ENOSF1: variants seen among roughly 807,000 people sequenced by gnomAD.
The protein encoded by ENOSF1 is mitochondrial enolase superfamily member 1.
Under a neutral mutation model 68.2 loss-of-function variants are expected in ENOSF1, and 73 were observed. That is an observed-to-expected ratio of 1.07 (90% CI 0.89 to 1.30). The LOEUF is 1.30. Ranked by LOEUF, ENOSF1 falls within the 50% of genes most tolerant of loss-of-function variation. The pLI is 0.00. For missense variants in ENOSF1, 589 were observed against 554.5 expected (o/e 1.06, Z -0.62); for synonymous variants, 223 against 210.4 (o/e 1.06, Z -0.52).
downstream of ENOSF1, among the ~76,000 whole-genome samples, chr18:667,925 G>C (rs1005610419): frequency 2.0e-5 from 3 of 149,834 alleles, no homozygotes; most frequent in African/African-American, 7.4e-5. Context: ...TGAATGCTTA[G>C]CTGTTGGATT....
At chr18:712,226 T>A (rs1598856907) in intron 1 of ENOSF1, 6 of 1,499,884 alleles carry the variant, frequency 4.0e-6, no homozygotes, top group Non-Finnish European at 5.4e-6. Context: ...CTCCAAGGCA[T>A]GAAAAGCGAG....
intron 8 of ENOSF1, 144 bp downstream of exon 8, chr18:690,397 AGAGAAGTG>A (rs2144988927): frequency 1.3e-6 from 1 of 795,076 alleles, no homozygotes; most frequent in East Asian, 2.6e-5. Context: ...TGGTGTCCAC[AGAGAAGTG>A]GAGAACTGGT....
chr18:674,551 G>C, intron 15 of ENOSF1, 145 bp from the exon 16 acceptor site: 3 of 536,052 alleles, frequency 5.6e-6, no homozygotes, highest in East Asian at 3.4e-5. Flanking sequence ...TGGAGTCACT[G>C]TCCGTTGCCC....
At position 710,413 on chromosome 18, in the gene ENOSF1, C is replaced by T. The variant is rs186396564; in HGVS notation, c.84+2091G>A. The stretch of plus-strand genomic sequence containing the variant: ...GCTTGAACCACCACGCTCAGCCAAA[C>T]CAGGCTGTCTTAACATTTCACAAAT... On this transcript the variant is annotated intron_variant, in intron 1 of 15. Coordinates refer to ENST00000647584, the MANE Select transcript of ENOSF1 (RefSeq NM_017512.7). Among the ~76,000 whole-genome samples the T allele has an allele frequency of 2.6e-5, 4 of 152,200 alleles. No homozygotes were observed. The East Asian group carries it at 5.8e-4, about 22-fold the overall frequency.
the ENOSF1 span, among the ~76,000 whole-genome samples, chr18:663,312 T>A: frequency 2.0e-5 from 2 of 97,752 alleles, no homozygotes; most frequent in Non-Finnish European, 3.8e-5. Flanking sequence ...CATAAATGTC[T>A]TCTTTTGAGA....
chr18:698,356 T>G (rs971972514), intron 2 of ENOSF1, among the ~76,000 whole-genome samples: 6 of 152,230 alleles, frequency 3.9e-5, no homozygotes, highest in Non-Finnish European at 8.8e-5. Context: ...CTTCATAGAA[T>G]TTTTAAAAGG....
At chr18:686,243 C>G (rs551416332) in intron 9 of ENOSF1, 50 of 496,918 alleles carry the variant, frequency 1.0e-4, no homozygotes, top group South Asian at 8.5e-4. Flanking sequence ...AGTTAAGGAG[C>G]TAGACAGGGA....
At chr18:708,830 A>C (rs573586382) in intron 1 of ENOSF1, among the ~76,000 whole-genome samples, 7 of 152,264 alleles carry the variant, frequency 4.6e-5, no homozygotes, top group African/African-American at 1.4e-4. Context: ...GTTGGTGCCC[A>C]CCTGGGTTGG....
intron 5 of ENOSF1, chr18:691,584 C>G (rs896456115): frequency 4.0e-6 from 1 of 251,062 alleles, no homozygotes. Flanking sequence ...TGGCTTCAAG[C>G]AATCCTCCCT....
Position 691,110 on chromosome 18 carries a change from G to A in ENOSF1, c.497-4C>T. 1 of 1,613,990 alleles carries A rather than the reference G, an allele frequency of 6.2e-7. No individual in the cohort carries two copies. Among genetic ancestry groups the A allele is most frequent in the Non-Finnish European group, 8.5e-7 (1 of 1,179,926 alleles). ...ATTTGACCTTTCTGCAGTATTTCTGGAAGAAATAAAAAGCATCACTCACTC... is the reference window on the plus strand; with the variant it reads ...ATTTGACCTTTCTGCAGTATTTCTGAAAGAAATAAAAAGCATCACTCACTC... On this transcript the variant is annotated splice_region_variant and splice_polypyrimidine_tract_variant and intron_variant, in intron 6 of 15. Coordinates refer to ENST00000647584, the MANE Select transcript of ENOSF1 (RefSeq NM_017512.7).
chr18:694,826 A>G (rs2077557235), intron 3 of ENOSF1, among the ~76,000 whole-genome samples: 1 of 152,056 alleles, frequency 6.6e-6, no homozygotes, highest in Non-Finnish European at 1.5e-5. Flanking sequence ...CTCTATATAT[A>G]TGTTAAGTAT....
At chr18:682,922 CAAAA>C (rs71174270) in intron 11 of ENOSF1, 1 of 189,638 alleles carries the variant, frequency 5.3e-6, no homozygotes, top group African/African-American at 2.5e-5. Context: ...CACCAAAAAA[CAAAA>C]AAAAAAAATG....
At position 670,546 on chromosome 18, in the gene ENOSF1, G is replaced by GT. The variant is rs1288765566; in HGVS notation, c.*3758dup. On this transcript the variant is annotated 3_prime_UTR_variant, in exon 16 of 16. Coordinates refer to ENST00000647584, the MANE Select transcript of ENOSF1 (RefSeq NM_017512.7). ...GCTCCGTGCCATCGCTGCAGAGGCT[G>GT]TTATGGACATCACTGCAGCCCAGTG... is the stretch of plus-strand genomic sequence containing the variant. The GT allele has an allele frequency of 1.0e-5, 8 of 799,852 alleles. No individual in the cohort carries two copies. In the African/African-American group the frequency reaches 1.4e-4, roughly 14 times the overall value. The allele number at this position is 799,852 out of a possible 1,614,324, so 49.5% of individuals were successfully genotyped here.
intron 3 of ENOSF1, among the ~76,000 whole-genome samples, chr18:695,796 C>A (rs1042831910): frequency 1.3e-5 from 2 of 152,046 alleles, no homozygotes; most frequent in African/African-American, 4.8e-5. Flanking sequence ...GGGTTATAAG[C>A]CATTACTATC....
intron 14 of ENOSF1, 154 bp from the exon 15 acceptor site, chr18:675,556 C>T (rs1598507866): frequency 1.5e-6 from 1 of 647,642 alleles, no homozygotes; most frequent in East Asian, 2.8e-5. Context: ...GTCCCTAAAC[C>T]TCTGTGCCTC....
Position 673,149 on chromosome 18 carries a change from C to A in ENOSF1, c.*1156G>T, listed in dbSNP as rs937023168. ...TTATTAATTTTTAAGGATGTTGCCA[C>A]TGGCAAATGTAACTGTGCCAGTTCT... On this transcript the variant is annotated 3_prime_UTR_variant, in exon 16 of 16. Coordinates refer to ENST00000647584, the MANE Select transcript of ENOSF1 (RefSeq NM_017512.7). The A allele has an allele frequency of 1.2e-6, 1 of 800,880 alleles. No individual in the cohort carries two copies. Among genetic ancestry groups the A allele is most frequent in the Non-Finnish European group, 1.8e-6 (1 of 545,726 alleles). 49.6% of individuals were successfully genotyped at this position (800,880 alleles called of 1,614,324 possible).
chr18:700,800 C>T (rs544260906), intron 2 of ENOSF1, among the ~76,000 whole-genome samples: 2 of 148,246 alleles, frequency 1.3e-5, no homozygotes, highest in African/African-American at 5.0e-5. Context: ...GTATGAGAAT[C>T]GCTTGAACCT....
At chr18:711,725 C>A (rs1394489344) in intron 1 of ENOSF1, among the ~76,000 whole-genome samples, 2 of 152,216 alleles carry the variant, frequency 1.3e-5, no homozygotes, top group Non-Finnish European at 2.9e-5. Context: ...AGTCAGAGTT[C>A]CTGCCCTTAC....
chr18:680,376 G>A (rs933749255), intron 11 of ENOSF1, among the ~76,000 whole-genome samples: 6 of 152,232 alleles, frequency 3.9e-5, no homozygotes, highest in African/African-American at 1.4e-4. Flanking sequence ...GAGAAAGGGA[G>A]AAACGGAGGA....
Sources: allele counts gnomAD v4.1 joint callset (sites outside exome capture counted in the v4.1 genomes callset), GRCh38; gene constraint gnomAD v4.1.1; transcripts MANE v1.5; gene names NCBI Gene and HGNC (gene_info 2026-07-23, HGNC 2026-07-21).